The following VWDE variants were observed in gnomAD, a reference collection of about 807,000 sequenced individuals.
The protein encoded by VWDE is von Willebrand factor D and EGF domains.
VWDE carries 207 observed loss-of-function variants against 178.4 expected under a neutral mutation model. The ratio of observed to expected loss-of-function variants is 1.16; its 90% confidence interval spans 1.04 to 1.30. VWDE has a LOEUF of 1.30. Among genes scored for constraint, VWDE ranks in the 50% most tolerant of loss-of-function variants. The probability of loss-of-function intolerance (pLI) is 0.00; values close to 1 mark genes in which losing one functional copy is unlikely to be tolerated. For synonymous variants in VWDE, 738 were observed against 651.4 expected (o/e 1.13, Z -2.02); for missense variants, 2,287 against 1,901.3 (o/e 1.20, Z -3.77).
At chr7:12,365,869 A>G (rs1782830465) in intron 13 of VWDE, among the ~76,000 whole-genome samples, 1 of 152,072 alleles carries the variant, frequency 6.6e-6, no homozygotes, top group Admixed American at 6.6e-5. Flanking sequence ...CTTTCTTTCT[A>G]TAGTTTTTGA....
intron 1 of VWDE, among the ~76,000 whole-genome samples, chr7:12,401,323 T>C (rs1161080859): frequency 6.6e-6 from 1 of 152,066 alleles, no homozygotes; most frequent in Non-Finnish European, 1.5e-5. Flanking sequence ...AAAACTAAAG[T>C]ATAGTAGCCC....
chr7:12,386,767 A>G (rs914732124), intron 3 of VWDE, among the ~76,000 whole-genome samples: 1 of 152,172 alleles, frequency 6.6e-6, no homozygotes, highest in Admixed American at 6.5e-5. Flanking sequence ...TCTCTTCTAC[A>G]GTATTTTTTA....
chr7:12,397,082 T>C (rs1040370796), intron 1 of VWDE, among the ~76,000 whole-genome samples: 31 of 152,068 alleles, frequency 2.0e-4, no homozygotes, highest in African/African-American at 6.8e-4. Context: ...CTAAAATTCA[T>C]ATAGAGCCAA....
intron 2 of VWDE, among the ~76,000 whole-genome samples, chr7:12,393,290 A>G (rs1239550351): frequency 6.6e-6 from 1 of 152,210 alleles, no homozygotes; most frequent in Non-Finnish European, 1.5e-5. Flanking sequence ...CTGTAAGAGC[A>G]CTATGCCTAA....
chr7:12,403,514 A>G, intron 1 of VWDE, 145 bp downstream of exon 1: 1 of 693,500 alleles, frequency 1.4e-6, no homozygotes, highest in Non-Finnish European at 2.3e-6. Context: ...AGGGACAGAG[A>G]GGAGGCGGGT....
chr7:12,383,386 G>A (rs753434548), intron 4 of VWDE, 150 bp downstream of exon 4: 38 of 639,198 alleles, frequency 5.9e-5, no homozygotes, highest in African/African-American at 3.0e-4. Flanking sequence ...TTAAAGGCAC[G>A]ATAAAGTTAT....
At chr7:12,344,050 T>C (rs193120910) in intron 21 of VWDE, 145 bp downstream of exon 21, 1 of 488,076 alleles carries the variant, frequency 2.0e-6, no homozygotes, top group Admixed American at 3.7e-5. Flanking sequence ...TTAATAAGTA[T>C]TTTAAAATGT....
Position 12,342,139 on chromosome 7 carries a change from T to C in VWDE, c.4190A>G (p.His1397Arg), listed in dbSNP as rs764402057. ...PRCETMVCNR[H>R]CENGGQCLTP... ...AAGACACTGGCCTCCATTTTCACAG[T>C]GCCTGTTACAAACCACTGAGATCAT... Residue 1397 changes from histidine (H) to arginine (R), a missense_variant, in exon 23 of 29, where the codon CAC becomes CGC. His to Arg is a conservative substitution (Grantham distance 29, BLOSUM62 0). Coordinates refer to ENST00000275358, the MANE Select transcript of VWDE (RefSeq NM_001135924.3). 2.5e-5 allele frequency: 39 copies of C among 1,551,366 alleles called. No individual in the cohort carries two copies. Among genetic ancestry groups the C allele is most frequent in the Non-Finnish European group, 3.1e-5 (35 of 1,146,832 alleles).
chr7:12,370,581 A>C, intron 11 of VWDE, 72 bp from the exon 12 acceptor site: 2 of 1,529,492 alleles, frequency 1.3e-6, no homozygotes, highest in Non-Finnish European at 8.8e-7. Context: ...GTGTTGCAAA[A>C]AAGCAGAGTG....
intron 2 of VWDE, 76 bp from the exon 3 acceptor site, chr7:12,389,434 T>C: frequency 9.5e-7 from 1 of 1,056,212 alleles, no homozygotes; most frequent in Non-Finnish European, 1.4e-6. Flanking sequence ...CTTTGCATTT[T>C]ATTCTAATCA....
intron 1 of VWDE, among the ~76,000 whole-genome samples, chr7:12,400,522 T>C (rs536727895): frequency 1.3e-5 from 2 of 152,162 alleles, no homozygotes; most frequent in Admixed American, 1.3e-4. Flanking sequence ...ACAATCCAAA[T>C]AGATTTATAA....
At chr7:12,362,494 T>G (rs1328856847) in intron 13 of VWDE, among the ~76,000 whole-genome samples, 1 of 152,030 alleles carries the variant, frequency 6.6e-6, no homozygotes, top group Non-Finnish European at 1.5e-5. Flanking sequence ...AGTATGAAAA[T>G]GCACTGGTCC....
chr7:12,394,392 G>C (rs755387325), intron 1 of VWDE, among the ~76,000 whole-genome samples: 9 of 152,130 alleles, frequency 5.9e-5, no homozygotes, highest in Non-Finnish European at 1.2e-4. Context: ...GGATGGAGGG[G>C]AGCAGGTTTG....
In VWDE at chr7:12,340,351, T is replaced by C; in HGVS notation, c.4337A>G (p.Asn1446Ser). 1 of 1,551,390 alleles carries C rather than the reference T, an allele frequency of 6.4e-7. No individual in the cohort carries two copies. Among genetic ancestry groups the C allele is most frequent in the Non-Finnish European group, 8.7e-7 (1 of 1,146,810 alleles). The change falls in exon 24 of 29, where the codon AAT (asparagine) becomes AGT (serine). Residue 1446 changes from asparagine to serine, a missense_variant. Coordinates refer to ENST00000275358, the MANE Select transcript of VWDE (RefSeq NM_001135924.3). ...CTGACAGTGTTCCCCAAAGAATCCATTTGGACAGAGGCAAGTATTTGGCTT... is the reference window on the plus strand; with the variant it reads ...CTGACAGTGTTCCCCAAAGAATCCACTTGGACAGAGGCAAGTATTTGGCTT... ...CNKPNTCLCP[N>S]GFFGEHCQNA...
At chr7:12,349,698 CA>C (rs1781826507) in intron 19 of VWDE, among the ~76,000 whole-genome samples, 1 of 151,298 alleles carries the variant, frequency 6.6e-6, no homozygotes, top group Admixed American at 6.6e-5. Flanking sequence ...TCAATTAGCA[CA>C]AAAACAAATC....
chr7:12,348,752 G>T (rs1243097922), intron 19 of VWDE, among the ~76,000 whole-genome samples: 9 of 150,882 alleles, frequency 6.0e-5, no homozygotes, highest in East Asian at 1.9e-4. Flanking sequence ...CTATAAATCA[G>T]GCTGCTATAA....
intron 18 of VWDE, among the ~76,000 whole-genome samples, chr7:12,353,428 C>T (rs60277316): frequency 0.88 from 134,287 of 151,906 alleles, 59,438 homozygotes; most frequent in Admixed American, 0.92. Flanking sequence ...TTTGGGGGGA[C>T]GCAGTTCTAT....
At chr7:12,400,635 C>T (rs1297552066) in intron 1 of VWDE, among the ~76,000 whole-genome samples, 1 of 152,026 alleles carries the variant, frequency 6.6e-6, no homozygotes, top group African/African-American at 2.4e-5. Context: ...AAAGAATTAC[C>T]ACCAATTTGT....
intron 10 of VWDE, 149 bp from the exon 11 acceptor site, chr7:12,371,013 C>A: frequency 1.4e-6 from 1 of 691,824 alleles, no homozygotes; most frequent in Non-Finnish European, 2.1e-6. Flanking sequence ...CTACAACTTT[C>A]CTCTTAACAT....
Sources: gnomAD v4.1 joint callset for allele counts (sites outside exome capture counted in the v4.1 genomes callset) on GRCh38, gnomAD v4.1.1 for gene constraint, MANE v1.5 for transcripts, NCBI Gene and HGNC (gene_info 2026-07-23, HGNC 2026-07-21) for gene names.